Variants in VTCN1 observed in about 807,000 individuals in gnomAD.
VTCN1 encodes the protein V-set domain containing T cell activation inhibitor 1.
Under a neutral mutation model 26.5 loss-of-function variants are expected in VTCN1, and 26 were observed. The observed-to-expected ratio is 0.98, with a 90% CI of 0.72 to 1.36. VTCN1 has a LOEUF of 1.36. Among genes scored for constraint, VTCN1 ranks in the 40% most tolerant of loss-of-function variants. The pLI is 0.00. For synonymous variants in VTCN1, 116 were observed against 130.7 expected (o/e 0.89, Z 0.77); for missense variants, 298 against 337.7 (o/e 0.88, Z 0.92).
At chr1:117,156,537 T>C (rs774696224) in intron 3 of VTCN1, 37 bp downstream of exon 3, 1 of 1,514,760 alleles carries the variant, frequency 6.6e-7, no homozygotes, top group Admixed American at 2.1e-5. Flanking sequence ...CAAATACTTT[T>C]GGTGCTTTAA....
chr1:117,208,177 T>C (rs10801940), intron 1 of VTCN1, among the ~76,000 whole-genome samples: 131,903 of 152,230 alleles, frequency 0.87, 58,923 homozygotes, highest in Non-Finnish European at 0.97. Context: ...TCCCAGCATT[T>C]CCTGCCTCAA....
intron 1 of VTCN1, among the ~76,000 whole-genome samples, chr1:117,172,049 A>C (rs1467072814): frequency 6.6e-6 from 1 of 152,218 alleles, no homozygotes; most frequent in East Asian, 1.9e-4. Flanking sequence ...TGGCGCATAC[A>C]TCATCGGTCA....
intron 1 of VTCN1, among the ~76,000 whole-genome samples, chr1:117,203,139 G>C (rs552497951): frequency 6.6e-6 from 1 of 152,230 alleles, no homozygotes; most frequent in South Asian, 2.1e-4. Context: ...AGGGCACCCA[G>C]TGAGGGTAGC....
intron 1 of VTCN1, among the ~76,000 whole-genome samples, chr1:117,187,262 A>G (rs955843473): frequency 7.2e-6 from 1 of 139,396 alleles, no homozygotes; most frequent in African/African-American, 2.6e-5. Flanking sequence ...AGTGAGCTAG[A>G]TCATGCCACT....
intron 2 of VTCN1, among the ~76,000 whole-genome samples, chr1:117,158,707 G>A (rs1472124959): frequency 6.6e-6 from 1 of 152,156 alleles, no homozygotes; most frequent in Non-Finnish European, 1.5e-5. Context: ...CTCAGAAAAT[G>A]GGTTTTTCTT....
At chr1:117,160,446 C>T (rs1327876627) in intron 2 of VTCN1, among the ~76,000 whole-genome samples, 1 of 152,190 alleles carries the variant, frequency 6.6e-6, no homozygotes, top group Non-Finnish European at 1.5e-5. Context: ...ACAGGTAGAC[C>T]TTCTTACAGT....
In VTCN1 at chr1:117,146,053, G is replaced by C. The variant is rs1229037619; in HGVS notation, c.*46-828C>G. ...ATATAAGCCTACGTGTGCTGCATGT[G>C]AACATTATCCATTAGATGTATGTCG... On this transcript the variant is annotated intron_variant, in intron 5 of 5. Coordinates refer to ENST00000369458, the MANE Select transcript of VTCN1 (RefSeq NM_024626.4). This position sits in a 1 kb window ranked among gnomAD's most constrained non-coding sequence, Gnocchi z 4.2. Among the ~76,000 whole-genome samples, 4 of 152,168 alleles carry C rather than the reference G, an allele frequency of 2.6e-5. No homozygotes were observed. Among genetic ancestry groups the C allele is most frequent in the African/African-American group, 9.7e-5 (4 of 41,430 alleles).
In VTCN1 at chr1:117,147,633, C is replaced by G. The variant is rs774250957; in HGVS notation, c.*25G>C. ...CTCACCTGTTGTAACAATGACTTTG[C>G]ATGCTTTTTTGTGGCCGAGGCACAT... is the stretch of plus-strand genomic sequence containing the variant. On this transcript the variant is annotated 3_prime_UTR_variant, in exon 5 of 6. Coordinates refer to ENST00000369458, the MANE Select transcript of VTCN1 (RefSeq NM_024626.4). The surrounding 1 kb of genome is among the most constrained non-coding windows in gnomAD (Gnocchi z 4.6). 5 of 1,609,720 alleles carry G rather than the reference C, an allele frequency of 3.1e-6. No individual in the cohort carries two copies. Among genetic ancestry groups the G allele is most frequent in the Non-Finnish European group, 4.2e-6 (5 of 1,178,752 alleles).
chr1:117,166,086 T>A (rs542161064), intron 2 of VTCN1, among the ~76,000 whole-genome samples: 135 of 152,218 alleles, frequency 8.9e-4, no homozygotes, highest in Non-Finnish European at 1.6e-3. Flanking sequence ...TTGAGCAGAC[T>A]GTTACTTCCA....
Position 117,169,044 on chromosome 1 carries a change from A to C in VTCN1, c.97+1063T>G, listed in dbSNP as rs1249301270. ...ACTGGAGAAGCATGGCAGAAAGGCC[A>C]CTGGAATATAGAAAATAAAGTTACG... On this transcript the variant is annotated intron_variant, in intron 2 of 5. Transcript: ENST00000369458. This position sits in a 1 kb window ranked among gnomAD's most constrained non-coding sequence, Gnocchi z 4.0. Among the ~76,000 whole-genome samples, 1 of 152,256 alleles carries C rather than the reference A, an allele frequency of 6.6e-6. No homozygotes were observed. The highest frequency in any genetic ancestry group is 1.5e-5 in the Non-Finnish European group (1 of 68,048).
At chr1:117,173,830 G>A (rs1653055312) in intron 1 of VTCN1, among the ~76,000 whole-genome samples, 1 of 152,200 alleles carries the variant, frequency 6.6e-6, no homozygotes, top group South Asian at 2.1e-4. Flanking sequence ...AGAAGAGGGG[G>A]GACAATGGAA....
chr1:117,200,050 C>T (rs1471762264), intron 1 of VTCN1, among the ~76,000 whole-genome samples: 2 of 152,114 alleles, frequency 1.3e-5, no homozygotes, highest in Admixed American at 6.6e-5. Context: ...ATGTAAAAAA[C>T]TATTCACAGT....
At position 117,175,015 on chromosome 1, in the gene VTCN1, A is replaced by G. The variant is rs1357715172; in HGVS notation, c.33-4844T>C. On this transcript the variant is annotated intron_variant, in intron 1 of 5. Transcript: ENST00000369458. This position sits in a 1 kb window ranked among gnomAD's most constrained non-coding sequence, Gnocchi z 4.2. ...CCCAGAGCCTTCCAGGTGAAGGAGCAGCTTTGCAGCCTGGAATTCTGTCTC... is the reference window on the plus strand; with the variant it reads ...CCCAGAGCCTTCCAGGTGAAGGAGCGGCTTTGCAGCCTGGAATTCTGTCTC... Among the ~76,000 whole-genome samples, 1 of 152,210 alleles carries G rather than the reference A, an allele frequency of 6.6e-6. No individual in the cohort carries two copies. The highest frequency in any genetic ancestry group is 2.4e-5 in the African/African-American group (1 of 41,450).
chr1:117,210,179 G>A (rs1011061352), intron 1 of VTCN1, among the ~76,000 whole-genome samples: 1 of 151,988 alleles, frequency 6.6e-6, no homozygotes, highest in Non-Finnish European at 1.5e-5. Context: ...AGGTAGGGGA[G>A]GGAACTTGCT....
chr1:117,196,091 G>A lies in VTCN1; in HGVS notation c.32+14733C>T, dbSNP rs114934471. ...CACTTGATCCTGGGAAGTTGAGGCT[G>A]CAGTGAGCTATGATAGTACCACTGC... is the stretch of plus-strand genomic sequence containing the variant. On this transcript the variant is annotated intron_variant, in intron 1 of 5. Transcript: ENST00000369458. Among the ~76,000 whole-genome samples, 1,091 of 152,232 alleles carry A rather than the reference G, an allele frequency of 7.2e-3. 15 individuals carry two copies. Among genetic ancestry groups the A allele is most frequent in the African/African-American group, 0.024 (1,004 of 41,538 alleles).
At chr1:117,208,253 G>C (rs964737472) in intron 1 of VTCN1, among the ~76,000 whole-genome samples, 4 of 152,176 alleles carry the variant, frequency 2.6e-5, no homozygotes, top group African/African-American at 9.7e-5. Flanking sequence ...TCATTCATGA[G>C]TTTTATTGTA....
chr1:117,192,279 A>G (rs997399358), intron 1 of VTCN1, among the ~76,000 whole-genome samples: 1 of 152,100 alleles, frequency 6.6e-6, no homozygotes, highest in African/African-American at 2.4e-5. Flanking sequence ...CTGTCAACCC[A>G]AAATACTAAA....
At chr1:117,173,437 A>G (rs1295159648) in intron 1 of VTCN1, among the ~76,000 whole-genome samples, 2 of 152,038 alleles carry the variant, frequency 1.3e-5, no homozygotes, top group East Asian at 3.9e-4. Flanking sequence ...AAGGAACACC[A>G]AAGGTTGCCA....
chr1:117,184,440 C>T (rs1647833027), intron 1 of VTCN1, among the ~76,000 whole-genome samples: 1 of 152,132 alleles, frequency 6.6e-6, no homozygotes, highest in South Asian at 2.1e-4. Flanking sequence ...CTTCAATGAA[C>T]TTATCTAGAA....
Sources: allele counts gnomAD v4.1 joint callset (sites outside exome capture counted in the v4.1 genomes callset), GRCh38; gene constraint gnomAD v4.1.1; non-coding constraint Gnocchi (gnomAD v3.1); transcripts MANE v1.5; gene names NCBI Gene and HGNC (gene_info 2026-07-23, HGNC 2026-07-21).